The following DPYD variants were observed in gnomAD, a reference collection of about 807,000 sequenced individuals.
DPYD encodes the protein dihydropyrimidine dehydrogenase [NADP(+)].
In DPYD, 109 loss-of-function variants were observed where a neutral mutation model predicts 116.2. That is an observed-to-expected ratio of 0.94 (90% CI 0.80 to 1.10). DPYD has a LOEUF of 1.10. Among genes scored for constraint, DPYD ranks in the 50% least tolerant of loss-of-function variants. The pLI, the probability that DPYD is intolerant of heterozygous loss-of-function variation, is 0.00. For missense variants in DPYD, 1,302 were observed against 1,254.5 expected (o/e 1.04, Z -0.57); for synonymous variants, 440 against 432.0 (o/e 1.02, Z -0.23).
rs75423049 is a variant in DPYD at position 97,523,316 on chromosome 1, A to G, written c.1525-7375T>C. Among the ~76,000 whole-genome samples the G allele has an allele frequency of 5.9e-5, 9 of 152,240 alleles. No individual in the cohort carries two copies. The East Asian group carries it at 1.2e-3, about 20-fold the overall frequency. On this transcript the variant is annotated intron_variant, in intron 12 of 22. Transcript: ENST00000370192. ...AAAATAACAAGGATGTTTAAAGACT[A>G]TTTTTTTAAAGTTTGCTTTCTTCAC... is the stretch of plus-strand genomic sequence containing the variant.
In DPYD at chr1:97,205,373, T is replaced by C. The variant is rs188275491; in HGVS notation, c.2443-12125A>G. ...CCACTGATCTTTTTTACTGTCTCCATAGTTTTGCCTTTTCCAATATGTCGT... is the reference window on the plus strand; with the variant it reads ...CCACTGATCTTTTTTACTGTCTCCACAGTTTTGCCTTTTCCAATATGTCGT... On this transcript the variant is annotated intron_variant, in intron 19 of 22. Transcript: ENST00000370192. Among the ~76,000 whole-genome samples the C allele has an allele frequency of 3.8e-4, 58 of 151,904 alleles. No individual in the cohort carries two copies. The East Asian group carries it at 0.01, about 27-fold the overall frequency.
chr1:97,900,215 T>A (rs1673292769), intron 1 of DPYD, among the ~76,000 whole-genome samples: 1 of 151,896 alleles, frequency 6.6e-6, no homozygotes, highest in African/African-American at 2.4e-5. Flanking sequence ...GATATCAGAA[T>A]GGAAAGACAG....
At chr1:97,403,753 A>G (rs1673498434) in intron 14 of DPYD, among the ~76,000 whole-genome samples, 2 of 151,900 alleles carry the variant, frequency 1.3e-5, no homozygotes, top group Admixed American at 1.3e-4. Context: ...TCAAATAATC[A>G]GATTTTGTTG....
In DPYD at chr1:97,288,302, A is replaced by C. The variant is rs902733056; in HGVS notation, c.2299+16957T>G. Among the ~76,000 whole-genome samples the C allele has an allele frequency of 4.2e-3, 632 of 150,994 alleles. 5 individuals carry two copies. Among genetic ancestry groups the C allele is most frequent in the African/African-American group, 0.014 (559 of 41,164 alleles). ...CGAGACAGAAAGTTAACAAGGATAC[A>C]CAGGAATTCAACTCAGCTCTGCACC... On this transcript the variant is annotated intron_variant, in intron 18 of 22. Coordinates refer to ENST00000370192, the MANE Select transcript of DPYD (RefSeq NM_000110.4).
intron 10 of DPYD, among the ~76,000 whole-genome samples, chr1:97,592,187 G>A (rs1654565346): frequency 6.6e-6 from 1 of 152,158 alleles, no homozygotes; most frequent in Non-Finnish European, 1.5e-5. Context: ...ATTTAAATGA[G>A]TAATTTATCT....
chr1:97,280,987 C>T (rs891595186), intron 18 of DPYD, among the ~76,000 whole-genome samples: 4 of 152,086 alleles, frequency 2.6e-5, no homozygotes, highest in African/African-American at 9.7e-5. Context: ...TGGAACATCA[C>T]TACACACCCC....
chr1:97,718,571 T>C (rs922325093), intron 5 of DPYD, among the ~76,000 whole-genome samples: 8 of 151,978 alleles, frequency 5.3e-5, no homozygotes, highest in African/African-American at 1.9e-4. Flanking sequence ...CCAGCTCTCA[T>C]TCATTTTGAC....
chr1:97,885,582 C>T (rs1036638461), intron 1 of DPYD, among the ~76,000 whole-genome samples: 8 of 151,994 alleles, frequency 5.3e-5, no homozygotes, highest in Admixed American at 2.6e-4. Context: ...AATAACAATG[C>T]TTTGTGTTTT....
chr1:97,290,881 C>T (rs2100982988), intron 18 of DPYD, among the ~76,000 whole-genome samples: 1 of 152,154 alleles, frequency 6.6e-6, no homozygotes, highest in Admixed American at 6.5e-5. Context: ...AAAGAAACTA[C>T]CATCAGAGTG....
At chr1:97,091,048 ATAT>A (rs2101578803) in intron 21 of DPYD, among the ~76,000 whole-genome samples, 1 of 152,346 alleles carries the variant, frequency 6.6e-6, no homozygotes, top group African/African-American at 2.4e-5. Context: ...TTGCTTAGAA[ATAT>A]TATTGTTGCA....
At chr1:97,880,406 T>C (rs2101635669) in intron 2 of DPYD, among the ~76,000 whole-genome samples, 1 of 152,070 alleles carries the variant, frequency 6.6e-6, no homozygotes, top group South Asian at 2.1e-4. Flanking sequence ...GGTGACACTT[T>C]CATTCAATTA....
At chr1:97,220,729 T>G (rs1660720097) in intron 19 of DPYD, among the ~76,000 whole-genome samples, 1 of 152,228 alleles carries the variant, frequency 6.6e-6, no homozygotes, top group African/African-American at 2.4e-5. Flanking sequence ...TATATCCCTC[T>G]ATGGTTTTTC....
chr1:97,139,295 C>T (rs968149563), intron 20 of DPYD, among the ~76,000 whole-genome samples: 15 of 151,988 alleles, frequency 9.9e-5, no homozygotes, highest in African/African-American at 2.7e-4. Flanking sequence ...AATTGGATCA[C>T]GCCAGTGGGA....
chr1:97,578,747 G>C (rs1653442986), intron 10 of DPYD, among the ~76,000 whole-genome samples: 2 of 152,176 alleles, frequency 1.3e-5, no homozygotes, highest in African/African-American at 4.8e-5. Context: ...AGTTCCCTTT[G>C]TGGGAAGAGG....
chr1:97,083,371 C>G (rs779011656), intron 21 of DPYD, among the ~76,000 whole-genome samples: 8 of 152,044 alleles, frequency 5.3e-5, no homozygotes, highest in Non-Finnish European at 1.0e-4. Flanking sequence ...TTTCCATATT[C>G]TCTTTGGTAT....
intron 20 of DPYD, among the ~76,000 whole-genome samples, chr1:97,152,338 G>T (rs1322585218): frequency 2.0e-5 from 3 of 152,020 alleles, no homozygotes; most frequent in Admixed American, 2.0e-4. Flanking sequence ...ATTCTGTGGA[G>T]TGAGATTTGC....
chr1:97,447,851 T>G (rs1424541291), intron 14 of DPYD, among the ~76,000 whole-genome samples: 1 of 152,186 alleles, frequency 6.6e-6, no homozygotes, highest in Non-Finnish European at 1.5e-5. Flanking sequence ...GGAAAATTTT[T>G]TTTTTCAGAC....
chr1:97,298,492 C>A (rs572100541), intron 18 of DPYD, among the ~76,000 whole-genome samples: 3 of 150,960 alleles, frequency 2.0e-5, no homozygotes, highest in Non-Finnish European at 4.4e-5. Flanking sequence ...ATAGATGAAT[C>A]CTGATCCATA....
At chr1:97,390,852 AT>A (rs1468844262) in intron 14 of DPYD, among the ~76,000 whole-genome samples, 1 of 151,812 alleles carries the variant, frequency 6.6e-6, no homozygotes, top group Non-Finnish European at 1.5e-5. Context: ...TCCATAATAT[AT>A]TTTTATTTAG....
Sources: gnomAD v4.1 joint callset for allele counts (sites outside exome capture counted in the v4.1 genomes callset) on GRCh38, gnomAD v4.1.1 for gene constraint, MANE v1.5 for transcripts, NCBI Gene and HGNC (gene_info 2026-07-23, HGNC 2026-07-21) for gene names.